NT5C3A: variants seen among roughly 807,000 people sequenced by gnomAD.
The protein encoded by NT5C3A is 5'-nucleotidase, cytosolic IIIA.
In NT5C3A, 23 loss-of-function variants were observed where a neutral mutation model predicts 40.0. The observed-to-expected ratio is 0.58, with a 90% CI of 0.41 to 0.81. NT5C3A has a LOEUF of 0.81. Among genes scored for constraint, NT5C3A ranks in the 40% least tolerant of loss-of-function variants. The pLI is 0.00. For missense variants in NT5C3A, 328 were observed against 403.0 expected (o/e 0.81, Z 1.59); for synonymous variants, 130 against 141.4 (o/e 0.92, Z 0.57).
Position 33,014,545 on chromosome 7 carries a change from G to A in NT5C3A, c.*185C>T. The A allele has an allele frequency of 2.5e-6, 2 of 789,592 alleles. No homozygotes were observed. Among genetic ancestry groups the A allele is most frequent in the Non-Finnish European group, 4.2e-6 (2 of 481,726 alleles). The allele number at this position is 789,592 out of a possible 1,614,324, so 48.9% of individuals were successfully genotyped here. A position where few individuals can be genotyped will look rare whatever the true frequency, so the allele number is the denominator to read the frequency against. On this transcript the variant is annotated 3_prime_UTR_variant, in exon 9 of 9. Transcript: ENST00000610140. ...TGGGTTAAAAGATACGGTGAGGAGT[G>A]TGTTGAGAGAGGTGGAGAAAAGGAG...
intron 3 of NT5C3A, chr7:33,023,586 T>TAC (rs1562589249): frequency 5.3e-6 from 1 of 189,498 alleles, no homozygotes; most frequent in East Asian, 1.5e-4. Context: ...TTTACACATG[T>TAC]ACTAAAAGCA....
At position 33,035,893 on chromosome 7, in the gene NT5C3A, T is replaced by C. The variant is rs368526302; in HGVS notation, c.139-8978A>G. The C allele has an allele frequency of 2.6e-6, 4 of 1,514,488 alleles. No homozygotes were observed. In the African/African-American group the frequency reaches 5.5e-5, roughly 21 times the overall value. The allele number at this position is 1,514,488 out of a possible 1,614,324, so 93.8% of individuals were successfully genotyped here. On this transcript the variant is annotated intron_variant, in intron 1 of 8. Coordinates refer to ENST00000610140, the MANE Select transcript of NT5C3A (RefSeq NM_001002010.5). ...AGACAGAGGTAAAAGTGGTGAAGAT[T>C]TACCATTAATAAATGGAACTGGAAA...
intron 6 of NT5C3A, 26 bp from the exon 7 acceptor site, chr7:33,017,627 T>C (rs1341800221): frequency 6.3e-7 from 1 of 1,580,182 alleles, no homozygotes; most frequent in African/African-American, 1.3e-5. Context: ...AACAAACTGG[T>C]TATTAAAGAG....
intron 1 of NT5C3A, among the ~76,000 whole-genome samples, chr7:33,030,304 C>T (rs963739153): frequency 6.6e-6 from 1 of 152,108 alleles, no homozygotes; most frequent in East Asian, 1.9e-4. Flanking sequence ...GTTGAACATG[C>T]CCCAACTGTT....
intron 1 of NT5C3A, among the ~76,000 whole-genome samples, chr7:33,056,608 G>T (rs1787582649): frequency 6.6e-6 from 1 of 151,484 alleles, no homozygotes; most frequent in African/African-American, 2.4e-5. Context: ...CGAGTTTGAG[G>T]CTGCAGTGAG....
At chr7:33,044,393 A>AT (rs11414093) in intron 1 of NT5C3A, among the ~76,000 whole-genome samples, 109,996 of 151,912 alleles carry the variant, frequency 0.72, 40,097 homozygotes, top group African/African-American at 0.79. Context: ...ACTTAAAAAA[A>AT]TTTTTTTTGA....
rs200291198 is a variant in NT5C3A, at chr7:33,035,199, T to TG, written c.139-8285_139-8284insC. ...GCTAATAAGGAATGAGTTTTTTTTT[T>TG]TTTTTTTTTTTTGAGACGGAATCTC... On this transcript the variant is annotated intron_variant, in intron 1 of 8. Transcript: ENST00000610140. 2.1e-3 allele frequency among the ~76,000 whole-genome samples: 311 copies of TG among 147,170 alleles called. 2 individuals are homozygous for TG. Among genetic ancestry groups the TG allele is most frequent in the Admixed American group, 0.013 (196 of 14,722 alleles).
At chr7:33,031,708 T>C (rs1786270102) in intron 1 of NT5C3A, among the ~76,000 whole-genome samples, 1 of 152,200 alleles carries the variant, frequency 6.6e-6, no homozygotes, top group Non-Finnish European at 1.5e-5. Context: ...CTAAGGGTTA[T>C]ACAATCCACA....
chr7:33,052,467 C>G (rs1787407033), intron 1 of NT5C3A, among the ~76,000 whole-genome samples: 2 of 113,520 alleles, frequency 1.8e-5, no homozygotes, highest in African/African-American at 7.1e-5. Context: ...GCCTGGGCAA[C>G]AGAGAGAGAC....
chr7:33,018,766 C>T (rs1273224569), intron 6 of NT5C3A, among the ~76,000 whole-genome samples: 7 of 151,144 alleles, frequency 4.6e-5, no homozygotes, highest in East Asian at 2.0e-4. Flanking sequence ...AGGAGAATGG[C>T]GTGAACCTGG....
intron 1 of NT5C3A, among the ~76,000 whole-genome samples, chr7:33,027,313 T>C (rs1411935595): frequency 6.6e-6 from 1 of 152,164 alleles, no homozygotes; most frequent in Admixed American, 6.5e-5. Context: ...CAAGCAATCC[T>C]CCCATCTTGG....
chr7:33,027,008 T>C (rs1221933434), intron 1 of NT5C3A, 93 bp from the exon 2 acceptor site: 8 of 761,010 alleles, frequency 1.1e-5, no homozygotes, highest in South Asian at 1.6e-5. Flanking sequence ...TTTAAAGACA[T>C]AAAAATATTA....
intron 1 of NT5C3A, among the ~76,000 whole-genome samples, chr7:33,049,410 A>G (rs1417858252): frequency 6.6e-6 from 1 of 152,166 alleles, no homozygotes; most frequent in East Asian, 1.9e-4. Flanking sequence ...ACCAACTACT[A>G]AACTTTCAAA....
At chr7:33,019,338 A>T (rs1445441564) in intron 6 of NT5C3A, among the ~76,000 whole-genome samples, 3 of 152,158 alleles carry the variant, frequency 2.0e-5, no homozygotes, top group African/African-American at 7.2e-5. Flanking sequence ...GTATTTTGCT[A>T]AAAAATTTTT....
chr7:33,022,584 A>G (rs1785687655), intron 3 of NT5C3A, among the ~76,000 whole-genome samples: 1 of 152,244 alleles, frequency 6.6e-6, no homozygotes, highest in South Asian at 2.1e-4. Flanking sequence ...ACAATATTTT[A>G]GTATATTTCC....
intron 1 of NT5C3A, among the ~76,000 whole-genome samples, chr7:33,032,357 G>A (rs1400058421): frequency 2.1e-5 from 3 of 145,064 alleles, no homozygotes; most frequent in East Asian, 2.1e-4. Context: ...AGGAGGCGGA[G>A]GTTGCAGTGA....
intron 5 of NT5C3A, among the ~76,000 whole-genome samples, chr7:33,020,971 C>T (rs1227701542): frequency 2.3e-5 from 3 of 128,406 alleles, no homozygotes; most frequent in African/African-American, 9.2e-5. Flanking sequence ...CTTTTCTTTA[C>T]ACATTAAGCC....
At chr7:33,029,724 G>A in intron 1 of NT5C3A, 2 of 1,276,744 alleles carry the variant, frequency 1.6e-6, no homozygotes, top group South Asian at 1.2e-5. Context: ...ACTAACAAAT[G>A]TAAGATTGGT....
chr7:33,059,943 C>G (rs1267884100), intron 1 of NT5C3A, among the ~76,000 whole-genome samples: 1 of 152,132 alleles, frequency 6.6e-6, no homozygotes, highest in Admixed American at 6.5e-5. Context: ...ATAAAACATA[C>G]TGTTGGGTTT....
Sources: allele counts gnomAD v4.1 joint callset (sites outside exome capture counted in the v4.1 genomes callset), GRCh38; gene constraint gnomAD v4.1.1; transcripts MANE v1.5; gene names NCBI Gene and HGNC (gene_info 2026-07-23, HGNC 2026-07-21).